Variants in NAA25 observed in about 807,000 individuals in gnomAD.
NAA25 encodes the protein N-terminal acetyltransferase B complex subunit NAA25.
Under a neutral mutation model 132.5 loss-of-function variants are expected in NAA25, and 30 were observed. That is an observed-to-expected ratio of 0.23 (90% CI 0.17 to 0.31). NAA25 has a LOEUF of 0.31. Ranked by LOEUF, NAA25 falls within the 10% of genes least tolerant of loss-of-function variation. The pLI is 1.00. For missense variants in NAA25, 771 were observed against 1,150.4 expected, an observed-to-expected ratio of 0.67 and a Z score of 4.77; for synonymous variants, 359 against 401.9, an observed-to-expected ratio of 0.89 and a Z score of 1.28.
chr12:112,030,062 A>G (rs1411030641), intron 23 of NAA25, among the ~76,000 whole-genome samples: 1 of 152,040 alleles, frequency 6.6e-6, no homozygotes, highest in Non-Finnish European at 1.5e-5. Flanking sequence ...AAAATACAAA[A>G]CTTAGCCAGG....
chr12:112,047,205 T>A (rs1451141283), intron 17 of NAA25, among the ~76,000 whole-genome samples: 1 of 152,000 alleles, frequency 6.6e-6, no homozygotes, highest in Non-Finnish European at 1.5e-5. Flanking sequence ...GTTTGTTTTT[T>A]TTAATTTTAG....
chr12:112,032,720 G>A (rs1040759266), intron 23 of NAA25, among the ~76,000 whole-genome samples: 2 of 152,184 alleles, frequency 1.3e-5, no homozygotes, highest in Non-Finnish European at 1.5e-5. Flanking sequence ...AATAGAATTT[G>A]AAAAGACCTA....
chr12:112,034,948 AAT>A (rs1162026191), intron 22 of NAA25: 1 of 152,170 alleles, frequency 6.6e-6, no homozygotes, highest in African/African-American at 2.4e-5. Context: ...ATAGCATATT[AAT>A]ATAACAGTAC....
intron 5 of NAA25, among the ~76,000 whole-genome samples, chr12:112,079,040 G>A (rs990388428): frequency 1.3e-5 from 2 of 152,124 alleles, no homozygotes; most frequent in African/African-American, 4.8e-5. Context: ...TGCCTATGCT[G>A]TTTATTATTT....
Position 112,072,472 on chromosome 12 carries a change from G to A in NAA25, c.867-408C>T, listed in dbSNP as rs370047946. On this transcript the variant is annotated intron_variant, in intron 9 of 23. Transcript: ENST00000261745. ...AAAGTATAAAAAACTAGTCGGGCGT[G>A]GTGGCATGCACCTGTAGTCCCAGCT... Among the ~76,000 whole-genome samples, 28 of 152,052 alleles carry A rather than the reference G, an allele frequency of 1.8e-4. No homozygotes were observed. The East Asian group carries it at 2.1e-3, about 12-fold the overall frequency.
intron 19 of NAA25, 119 bp from the exon 20 acceptor site, chr12:112,042,223 C>A: frequency 2.6e-6 from 1 of 386,666 alleles, no homozygotes; most frequent in Non-Finnish European, 4.6e-6. Flanking sequence ...TCTACAGACC[C>A]TTATGCATTT....
intron 11 of NAA25, among the ~76,000 whole-genome samples, chr12:112,062,213 A>G (rs2078641191): frequency 6.6e-6 from 1 of 152,052 alleles, no homozygotes; most frequent in Non-Finnish European, 1.5e-5. Context: ...CTGGGCCAAC[A>G]TGCTGAAACC....
chr12:112,096,579 A>G (rs1014099852), intron 1 of NAA25, among the ~76,000 whole-genome samples: 3 of 152,196 alleles, frequency 2.0e-5, no homozygotes, highest in African/African-American at 7.2e-5. Context: ...TTAGAGAGGA[A>G]GGCCAAAGAC....
intron 22 of NAA25, among the ~76,000 whole-genome samples, 199 bp downstream of exon 22, chr12:112,039,030 T>C (rs1169679828): frequency 6.6e-6 from 1 of 151,566 alleles, no homozygotes; most frequent in African/African-American, 2.4e-5. Context: ...TGATGAGCTT[T>C]AAAAAAAAAC....
chr12:112,081,578 C>T (rs2078973306), intron 4 of NAA25, among the ~76,000 whole-genome samples: 1 of 152,124 alleles, frequency 6.6e-6, no homozygotes, highest in African/African-American at 2.4e-5. Context: ...TTCTTCTTAG[C>T]TTAGGAAAAT....
At chr12:112,073,610 G>C (rs2078848807) in intron 9 of NAA25, among the ~76,000 whole-genome samples, 1 of 151,946 alleles carries the variant, frequency 6.6e-6, no homozygotes, top group Non-Finnish European at 1.5e-5. Flanking sequence ...CTAATTTTTT[G>C]TATTTTTAGT....
At chr12:112,068,362 T>C (rs904623306) in intron 11 of NAA25, among the ~76,000 whole-genome samples, 1 of 152,016 alleles carries the variant, frequency 6.6e-6, no homozygotes, top group African/African-American at 2.4e-5. Context: ...ACTACGGTAA[T>C]AGTCACACAC....
chr12:112,053,296 G>C (rs1049315260), intron 15 of NAA25, among the ~76,000 whole-genome samples: 1 of 152,206 alleles, frequency 6.6e-6, no homozygotes, highest in Non-Finnish European at 1.5e-5. Context: ...CCAGGTCTAA[G>C]AGGACTAACA....
intron 21 of NAA25, chr12:112,040,136 T>C (rs2078282133): frequency 5.7e-6 from 1 of 176,654 alleles, no homozygotes; most frequent in South Asian, 1.6e-4. Flanking sequence ...TAGCAATTAA[T>C]AAATGACAAC....
At chr12:112,090,675 A>T in intron 3 of NAA25, 51 bp downstream of exon 3, 1 of 1,591,048 alleles carries the variant, frequency 6.3e-7, no homozygotes, top group Non-Finnish European at 8.6e-7. Flanking sequence ...AGTCAGAAAT[A>T]TCCAAAATTT....
chr12:112,045,289 A>G (rs2078362687), intron 17 of NAA25, among the ~76,000 whole-genome samples: 1 of 152,008 alleles, frequency 6.6e-6, no homozygotes, highest in African/African-American at 2.4e-5. Flanking sequence ...CAGGAGATCG[A>G]GACCATCCTG....
intron 9 of NAA25, among the ~76,000 whole-genome samples, chr12:112,074,090 T>C (rs770903117): frequency 5.9e-5 from 9 of 151,932 alleles, no homozygotes; most frequent in Non-Finnish European, 1.3e-4. Flanking sequence ...CCCAGCACTT[T>C]GGGAGGCTGA....
At chr12:112,094,260 AAAG>A (rs1158141152) in intron 1 of NAA25, among the ~76,000 whole-genome samples, 29 of 151,298 alleles carry the variant, frequency 1.9e-4, no homozygotes, top group African/African-American at 7.0e-4. Flanking sequence ...AAAAAAAAAA[AAAG>A]AATACAAACT....
chr12:112,043,000 A>G lies in NAA25; in HGVS notation c.2374+88T>C, dbSNP rs60148142. The G allele has an allele frequency of 1.3e-5, 18 of 1,343,292 alleles. No homozygotes were observed. In the East Asian group the frequency reaches 4.0e-4, roughly 30 times the overall value. The allele number at this position is 1,343,292 out of a possible 1,614,324, so 83.2% of individuals were successfully genotyped here. On this transcript the variant is annotated intron_variant, in intron 19 of 23. Transcript: ENST00000261745. ...GCTTCCAGCTTCCATGTACTCTAAA[A>G]TTTTCCAGATGTGAGGTTATAGACA...
Sources: gnomAD v4.1 joint callset for allele counts (sites outside exome capture counted in the v4.1 genomes callset) on GRCh38, gnomAD v4.1.1 for gene constraint, MANE v1.5 for transcripts, NCBI Gene and HGNC (gene_info 2026-07-23, HGNC 2026-07-21) for gene names.